Variants in PTER observed in about 807,000 individuals in gnomAD.
PTER encodes the protein phosphotriesterase related, also known as N-acetyltaurine hydrolase.
Under a neutral mutation model 29.6 loss-of-function variants are expected in PTER, and 38 were observed. The ratio of observed to expected loss-of-function variants is 1.28; its 90% CI spans 0.99 to 1.68. The LOEUF (loss-of-function observed/expected upper bound fraction) is 1.68, where lower values mean the gene tolerates loss of function less well. PTER is among the 40% of genes most tolerant of loss of function. The pLI is 0.00. For synonymous variants in PTER, 172 were observed against 154.5 expected (o/e 1.11, Z -0.84); for missense variants, 482 against 427.8 (o/e 1.13, Z -1.12).
intron 1 of PTER, among the ~76,000 whole-genome samples, chr10:16,452,220 C>CACACACACACAT (rs1282331852): frequency 1.4e-5 from 2 of 144,940 alleles, no homozygotes; most frequent in Non-Finnish European, 3.0e-5. Context: ...CACACACACA[C>CACACACACACAT]ATATATATAC....
chr10:16,496,759 C>T (rs942255647), intron 3 of PTER, among the ~76,000 whole-genome samples: 5 of 152,118 alleles, frequency 3.3e-5, no homozygotes, highest in African/African-American at 1.2e-4. Context: ...TTTCCCAGCT[C>T]ATGGCTGATT....
intron 1 of PTER, among the ~76,000 whole-genome samples, chr10:16,456,334 T>C (rs148198035): frequency 1.1e-3 from 160 of 152,338 alleles, no homozygotes; most frequent in African/African-American, 3.6e-3. Flanking sequence ...TTAAGAGTTA[T>C]GATAATCCTT....
intron 3 of PTER, among the ~76,000 whole-genome samples, chr10:16,504,002 T>A (rs904484416): frequency 3.3e-5 from 5 of 152,208 alleles, no homozygotes; most frequent in African/African-American, 1.2e-4. Flanking sequence ...ATTCCTTTCA[T>A]GCAATGTCTA....
chr10:16,460,364 G>C (rs1249404201), intron 1 of PTER, among the ~76,000 whole-genome samples: 1 of 152,134 alleles, frequency 6.6e-6, no homozygotes, highest in Non-Finnish European at 1.5e-5. Flanking sequence ...TGAGAGACTG[G>C]GTTCTAGTTT....
intron 1 of PTER, among the ~76,000 whole-genome samples, chr10:16,460,927 G>C (rs758990031): frequency 2.0e-5 from 3 of 152,108 alleles, no homozygotes; most frequent in Non-Finnish European, 2.9e-5. Context: ...ATGTTGGCCA[G>C]GCTGGTCTCG....
chr10:16,501,352 CACACACACACACACACAT>C (rs746295747), intron 3 of PTER, among the ~76,000 whole-genome samples: 8,875 of 131,378 alleles, frequency 0.068, 531 homozygotes, highest in East Asian at 0.2. Flanking sequence ...CACACACACA[CACACACACACACACACAT>C]GCACACACAC....
intron 3 of PTER, among the ~76,000 whole-genome samples, chr10:16,500,185 G>C (rs768927): frequency 0.6 from 90,942 of 151,864 alleles, 29,018 homozygotes; most frequent in East Asian, 0.83. Context: ...AAGTCACTCC[G>C]CTTTATATAA....
intron 1 of PTER, among the ~76,000 whole-genome samples, chr10:16,454,680 A>G (rs1366957985): frequency 1.1e-5 from 1 of 91,414 alleles, no homozygotes; most frequent in Non-Finnish European, 2.0e-5. Flanking sequence ...TTTCTAAGCA[A>G]TGTCAAGACA....
At chr10:16,441,976 CTG>C (rs1461871513) in intron 1 of PTER, among the ~76,000 whole-genome samples, 5 of 152,004 alleles carry the variant, frequency 3.3e-5, no homozygotes, top group Non-Finnish European at 7.4e-5. Context: ...TTCACAGAAA[CTG>C]TTAAAAGAGT....
intron 3 of PTER, among the ~76,000 whole-genome samples, chr10:16,501,196 G>C (rs370870097): frequency 1.7e-4 from 26 of 152,166 alleles, no homozygotes; most frequent in African/African-American, 5.5e-4. Flanking sequence ...CTCCCAAAGT[G>C]CTGGGATTAC....
At chr10:16,464,199 T>A (rs759610362) in intron 1 of PTER, among the ~76,000 whole-genome samples, 2 of 152,164 alleles carry the variant, frequency 1.3e-5, no homozygotes. Flanking sequence ...ATAGTCAGAG[T>A]TTTATGAAGA....
At chr10:16,472,317 G>A (rs1835082397) in intron 1 of PTER, among the ~76,000 whole-genome samples, 1 of 152,132 alleles carries the variant, frequency 6.6e-6, no homozygotes, top group East Asian at 1.9e-4. Context: ...CATACGGATT[G>A]ACTGTGTCCC....
Position 16,473,947 on chromosome 10 carries a change from G to A in PTER, c.-48-10390G>A, listed in dbSNP as rs189212653. On this transcript the variant is annotated intron_variant, in intron 1 of 4. Transcript: ENST00000535784. ...ATAATAAAGTACCTGGCCGGGCACC[G>A]TGGCTCAGGCCTGTAATCCCAGCAC... Among the ~76,000 whole-genome samples the A allele has an allele frequency of 3.3e-5, 5 of 152,326 alleles. No individual in the cohort carries two copies. In the East Asian group the frequency reaches 7.7e-4, roughly 23 times the overall value.
In PTER at chr10:16,511,244, A is replaced by G. The variant is rs1230940421; in HGVS notation, c.1038A>G (p.Leu346=). 3.7e-6 allele frequency: 6 copies of G among 1,613,472 alleles called. No homozygotes were observed. The highest frequency in any genetic ancestry group is 4.2e-6 in the Non-Finnish European group (5 of 1,179,554). ...TAATAGAGAACCCTAAGCAATGGCT[A>G]ACTTTCAAATAGGATGGTTGCTTAT... ...KILIENPKQW[L]TFK is the part of the protein sequence containing the mutation. The change falls in exon 5 of 5, where the codon CTA becomes CTG. Residue 346 remains leucine (L), a synonymous_variant. Transcript: ENST00000535784.
chr10:16,486,039 C>T (rs949560599), intron 2 of PTER, among the ~76,000 whole-genome samples: 2 of 152,168 alleles, frequency 1.3e-5, no homozygotes, highest in African/African-American at 4.8e-5. Flanking sequence ...GGTTAAGTTA[C>T]AGATTTTTTT....
intron 1 of PTER, among the ~76,000 whole-genome samples, chr10:16,480,819 A>G (rs1408940938): frequency 6.6e-6 from 1 of 152,230 alleles, no homozygotes; most frequent in Non-Finnish European, 1.5e-5. Flanking sequence ...CTGCACACCA[A>G]ATCTTCAACA....
rs201405935 is a variant in PTER at position 16,499,868 on chromosome 10, T to TA, written c.699-5151dup. Among the ~76,000 whole-genome samples, 1,296 of 152,274 alleles carry TA rather than the reference T, an allele frequency of 8.5e-3. 68 individuals carry two copies. The highest frequency in any genetic ancestry group is 0.078 in the Admixed American group (1,190 of 15,276). ...TATGTATGTATGTCTTGGTTTTTTT[T>TA]ATGACAGCAAATTTCTCTTCCCCTC... On this transcript the variant is annotated intron_variant, in intron 3 of 4. Transcript: ENST00000535784.
intron 1 of PTER, among the ~76,000 whole-genome samples, chr10:16,444,004 CTT>C (rs199711479): frequency 2.2e-4 from 30 of 136,760 alleles, no homozygotes; most frequent in Non-Finnish European, 1.9e-4. Flanking sequence ...AAAACTTTTT[CTT>C]TTTTTTTTTT....
intron 1 of PTER, among the ~76,000 whole-genome samples, chr10:16,457,372 C>T (rs946085602): frequency 2.6e-5 from 4 of 152,002 alleles, no homozygotes; most frequent in Non-Finnish European, 5.9e-5. Flanking sequence ...GCCACCACGC[C>T]CAGCTAATTT....
Sources: gnomAD v4.1 joint callset for allele counts (sites outside exome capture counted in the v4.1 genomes callset) on GRCh38, gnomAD v4.1.1 for gene constraint, MANE v1.5 for transcripts, NCBI Gene and HGNC (gene_info 2026-07-23, HGNC 2026-07-21) for gene names.